TBC1D4: variants seen among roughly 807,000 people sequenced by gnomAD.
The protein encoded by TBC1D4 is TBC (Tre-2, BUB2, CDC16) domain-containing protein.
In TBC1D4, 121 loss-of-function variants were observed where a neutral mutation model predicts 142.5. The ratio of observed to expected loss-of-function variants is 0.85; its 90% CI spans 0.73 to 0.99. TBC1D4 has a LOEUF of 0.99. Ranked by LOEUF, TBC1D4 falls within the 50% of genes least tolerant of loss-of-function variation. TBC1D4 has a pLI of 0.00. For missense variants in TBC1D4, 1,475 were observed against 1,606.6 expected (o/e 0.92, Z 1.40); for synonymous variants, 630 against 628.2 (o/e 1.00, Z -0.04).
chr13:75,345,202 T>C (rs1447181634), intron 5 of TBC1D4, among the ~76,000 whole-genome samples: 1 of 152,298 alleles, frequency 6.6e-6, no homozygotes. Context: ...TCTCAGCTGC[T>C]TCATGTGTAA....
intron 1 of TBC1D4, among the ~76,000 whole-genome samples, chr13:75,386,938 T>C (rs1028165714): frequency 1.3e-5 from 2 of 152,210 alleles, no homozygotes; most frequent in African/African-American, 4.8e-5. Context: ...TTTATCATTA[T>C]TTTTCAAGTG....
At chr13:75,351,750 T>C (rs1384838028) in intron 4 of TBC1D4, among the ~76,000 whole-genome samples, 1 of 152,180 alleles carries the variant, frequency 6.6e-6, no homozygotes, top group Non-Finnish European at 1.5e-5. Flanking sequence ...GAACTCATCA[T>C]TTTTTATGGC....
intron 17 of TBC1D4, among the ~76,000 whole-genome samples, chr13:75,296,729 G>A (rs1170106784): frequency 6.6e-6 from 1 of 152,006 alleles, no homozygotes; most frequent in African/African-American, 2.4e-5. Context: ...AAAAAAAGTA[G>A]AGACCAAAAA....
At chr13:75,320,124 C>T in intron 11 of TBC1D4, 87 bp from the exon 12 acceptor site, 1 of 1,418,108 alleles carries the variant, frequency 7.1e-7, no homozygotes, top group Non-Finnish European at 9.9e-7. Flanking sequence ...TCCAATAAGT[C>T]ATCAATAAGT....
chr13:75,313,074 GA>G (rs2085302813), intron 12 of TBC1D4, among the ~76,000 whole-genome samples, 176 bp from the exon 13 acceptor site: 1 of 152,252 alleles, frequency 6.6e-6, no homozygotes, highest in South Asian at 2.1e-4. Context: ...ACATCCTGGG[GA>G]AACAGCAATC....
rs200405344 is a variant in TBC1D4 at position 75,481,314 on chromosome 13, A to G, written c.454T>C (p.Ser152Pro). 11 of 1,613,218 alleles carry G rather than the reference A, an allele frequency of 6.8e-6. No individual in the cohort carries two copies. Among genetic ancestry groups the G allele is most frequent in the African/African-American group, 1.3e-5 (1 of 74,780 alleles). ...LIKAQPDDPE[S>P]QMACHVFRAT... ...CGGAAAACGTGGCAGGCCATCTGCGACTCGGGGTCGTCGGGCTGCGCCTTG... is the reference window on the plus strand; with the variant it reads ...CGGAAAACGTGGCAGGCCATCTGCGGCTCGGGGTCGTCGGGCTGCGCCTTG... The change falls in exon 1 of 21, where the codon TCG becomes CCG. Residue 152 changes from serine to proline, a missense_variant. By Grantham distance (74) the Ser-to-Pro change is moderately conservative. Around this residue, in one of 2 missense-constraint regions of TBC1D4, gnomAD observed 1,227 missense variants for 1,267.7 expected, o/e 0.97. Coordinates refer to ENST00000377636, the MANE Select transcript of TBC1D4 (RefSeq NM_014832.5).
At chr13:75,368,614 G>C (rs1883055455) in intron 1 of TBC1D4, among the ~76,000 whole-genome samples, 1 of 152,138 alleles carries the variant, frequency 6.6e-6, no homozygotes. Flanking sequence ...TGCTTCTCCA[G>C]TTGAATTCCT....
chr13:75,468,044 A>G (rs1343030158), intron 1 of TBC1D4, among the ~76,000 whole-genome samples: 3 of 152,164 alleles, frequency 2.0e-5, no homozygotes, highest in Non-Finnish European at 4.4e-5. Flanking sequence ...AAAGCATTTG[A>G]AACAACTCTT....
chr13:75,387,007 G>A lies in TBC1D4; in HGVS notation c.499-24400C>T, dbSNP rs1017513310. Among the ~76,000 whole-genome samples, 6 of 152,128 alleles carry A rather than the reference G, an allele frequency of 3.9e-5. No homozygotes were observed. The South Asian group carries it at 6.2e-4, about 16-fold the overall frequency. ...TGTTGAGAGGCCACTAAGGGCTTTCGTGTGTATGGTTTGATCTATCAATAT... is the reference window on the plus strand; with the variant it reads ...TGTTGAGAGGCCACTAAGGGCTTTCATGTGTATGGTTTGATCTATCAATAT... On this transcript the variant is annotated intron_variant, in intron 1 of 20. Transcript: ENST00000377636.
In TBC1D4 at chr13:75,388,424, T is replaced by G. The variant is rs138404971; in HGVS notation, c.499-25817A>C. 1.2e-4 allele frequency among the ~76,000 whole-genome samples: 19 copies of G among 152,312 alleles called. No individual in the cohort carries two copies. The East Asian group carries it at 2.9e-3, about 23-fold the overall frequency. On this transcript the variant is annotated intron_variant, in intron 1 of 20. Coordinates refer to ENST00000377636, the MANE Select transcript of TBC1D4 (RefSeq NM_014832.5). ...ATTCCCATTTTCTCATGTATTATATTTTTAAAAATGTGTTCTCAAAGGTTA... is the reference window on the plus strand; with the variant it reads ...ATTCCCATTTTCTCATGTATTATATGTTTAAAAATGTGTTCTCAAAGGTTA...
intron 12 of TBC1D4, among the ~76,000 whole-genome samples, chr13:75,315,500 A>G (rs1012324505): frequency 1.3e-5 from 2 of 151,324 alleles, no homozygotes; most frequent in Non-Finnish European, 2.9e-5. Flanking sequence ...TAAAAATATG[A>G]TTCAAATGTT....
At chr13:75,416,641 A>C (rs1376036569) in intron 1 of TBC1D4, among the ~76,000 whole-genome samples, 1 of 152,256 alleles carries the variant, frequency 6.6e-6, no homozygotes, top group Non-Finnish European at 1.5e-5. Flanking sequence ...CTATTTGATC[A>C]GGCTACATCT....
chr13:75,371,308 G>C (rs77631038), intron 1 of TBC1D4, among the ~76,000 whole-genome samples: 2 of 152,156 alleles, frequency 1.3e-5, no homozygotes, highest in African/African-American at 2.4e-5. Context: ...TGGTGAAGGG[G>C]AAATCAATGA....
intron 4 of TBC1D4, 47 bp downstream of exon 4, chr13:75,356,100 G>C (rs372637068): frequency 2.1e-6 from 3 of 1,439,366 alleles, no homozygotes; most frequent in East Asian, 4.5e-5. Flanking sequence ...TCTTCTGTTC[G>C]ACAGATGTGT....
At position 75,362,567 on chromosome 13, in the gene TBC1D4, G is replaced by C; in HGVS notation, c.539C>G (p.Ala180Gly). The part of the protein sequence containing the change: ...VISSIRQLSK[A>G]AMKEDAKPSK... ...GGGTTTGGCATCCTCTTTCATGGCC[G>C]CTTTAGATAATTGCCTTATGCTGCT... The change falls in exon 2 of 21, where the codon GCG (alanine) becomes GGG (glycine). Residue 180 changes from alanine (A) to glycine (G), a missense_variant. By Grantham distance (60) the Ala-to-Gly change is moderately conservative (BLOSUM62 0). Transcript: ENST00000377636. This position sits in a 1 kb window ranked among gnomAD's most constrained non-coding sequence, Gnocchi z 4.2. 1.2e-6 allele frequency: 2 copies of C among 1,614,130 alleles called. No homozygotes were observed. Among genetic ancestry groups the C allele is most frequent in the Non-Finnish European group, 1.7e-6 (2 of 1,180,006 alleles).
chr13:75,285,137 T>C lies in TBC1D4; in HGVS notation c.*1655A>G, dbSNP rs1874554873. 6.6e-6 allele frequency: 1 copy of C among 152,214 alleles called. No homozygotes were observed. The highest frequency in any genetic ancestry group is 2.4e-5 in the African/African-American group (1 of 41,460). 9.4% of individuals were successfully genotyped at this position (152,214 alleles called of 1,614,324 possible). A position where few individuals can be genotyped will look rare whatever the true frequency, so the allele number is the denominator to read the frequency against. ...AACTTAGAAGTTACATTAACTTTAT[T>C]AATAAGATTTTATTGTCTTTTAAGA... On this transcript the variant is annotated 3_prime_UTR_variant, in exon 21 of 21. Transcript: ENST00000377636.
intron 8 of TBC1D4, among the ~76,000 whole-genome samples, chr13:75,334,132 C>A (rs1880000367): frequency 6.6e-6 from 1 of 152,014 alleles, no homozygotes; most frequent in Middle Eastern, 3.2e-3. Flanking sequence ...ATAAAACTTT[C>A]AATATATTCA....
At chr13:75,440,551 A>AT (rs1191209160) in intron 1 of TBC1D4, among the ~76,000 whole-genome samples, 8 of 151,236 alleles carry the variant, frequency 5.3e-5, no homozygotes, top group African/African-American at 2.0e-4. Flanking sequence ...TATTTTTACT[A>AT]TTTTTTAAAA....
intron 2 of TBC1D4, 57 bp from the exon 3 acceptor site, chr13:75,359,915 T>C: frequency 7.4e-7 from 1 of 1,345,286 alleles, no homozygotes; most frequent in South Asian, 1.2e-5. Flanking sequence ...ACATCTTACT[T>C]TATAACCAAA....
Sources: allele counts gnomAD v4.1 joint callset (sites outside exome capture counted in the v4.1 genomes callset), GRCh38; gene constraint gnomAD v4.1.1; regional missense constraint gnomAD v4.1.1; non-coding constraint Gnocchi (gnomAD v3.1); transcripts MANE v1.5; gene names NCBI Gene and HGNC (gene_info 2026-07-23, HGNC 2026-07-21).